Variants in TMEM132B observed in about 807,000 individuals in gnomAD.
TMEM132B encodes the protein transmembrane protein 132B.
In TMEM132B, 18 loss-of-function variants were observed where a neutral mutation model predicts 90.8. That is an observed-to-expected ratio of 0.20 (90% CI 0.14 to 0.29). TMEM132B has a LOEUF of 0.29. Among genes scored for constraint, TMEM132B ranks in the 10% least tolerant of loss-of-function variants. The probability of loss-of-function intolerance (pLI) is 1.00; values close to 1 mark genes in which losing one functional copy is unlikely to be tolerated. For synonymous variants in TMEM132B, 504 were observed against 523.3 expected (o/e 0.96, Z 0.50); for missense variants, 1,096 against 1,326.8 (o/e 0.83, Z 2.70).
rs544399264 is a variant in TMEM132B at position 125,213,565 on chromosome 12, G to A, written c.67+26699G>A. Among the ~76,000 whole-genome samples the A allele has an allele frequency of 6.6e-6, 1 of 152,328 alleles. No individual in the cohort carries two copies. Among genetic ancestry groups the A allele is most frequent in the African/African-American group, 2.4e-5 (1 of 41,556 alleles). On this transcript the variant is annotated intron_variant, in intron 1 of 8. Coordinates refer to ENST00000682704, the MANE Select transcript of TMEM132B (RefSeq NM_001366854.1). The surrounding 1 kb of genome is among the most constrained non-coding windows in gnomAD (Gnocchi z 4.2). Reference sequence around the variant, plus strand: ...TTTTTAGTCAAATGGCTTCTAACTGGTCACTCTCTGGCTTCTGATTCAGTG... The same window carrying A: ...TTTTTAGTCAAATGGCTTCTAACTGATCACTCTCTGGCTTCTGATTCAGTG...
rs148063868 is a variant in TMEM132B, at chr12:125,354,531, G to A, written c.959+4188G>A. On this transcript the variant is annotated intron_variant, in intron 2 of 8. Coordinates refer to ENST00000682704, the MANE Select transcript of TMEM132B (RefSeq NM_001366854.1). ...GATATGTCACCCATCTGGCTCCTGA[G>A]GGTATTTGAATTTTGAAACCCTGAT... Among the ~76,000 whole-genome samples the A allele has an allele frequency of 1.5e-3, 224 of 152,270 alleles. 2 individuals carry two copies. The highest frequency in any genetic ancestry group is 5.1e-3 in the African/African-American group (211 of 41,552).
intron 4 of TMEM132B, among the ~76,000 whole-genome samples, chr12:125,529,079 C>A (rs189490420): frequency 6.7e-6 from 1 of 149,296 alleles, no homozygotes; most frequent in Non-Finnish European, 1.5e-5. Context: ...CTTCCTTCTC[C>A]TCCTTCCTCT....
intron 1 of TMEM132B, among the ~76,000 whole-genome samples, chr12:125,331,500 G>A (rs1876771127): frequency 6.6e-6 from 1 of 152,130 alleles, no homozygotes; most frequent in South Asian, 2.1e-4. Flanking sequence ...CAGCACATGA[G>A]CCCTTTACTC....
In TMEM132B at chr12:125,654,584, C is replaced by T. The variant is rs769559748; in HGVS notation, c.3126C>T (p.Gly1042=). 2.0e-5 allele frequency: 33 copies of T among 1,614,038 alleles called. No homozygotes were observed. The highest frequency in any genetic ancestry group is 4.5e-5 in the East Asian group (2 of 44,884). ...ACACCACCATCCTCCCAGAGGACGG[C>T]GGCCCATACACCAACTCCATCCTGT... ...TSYTTILPED[G]GPYTNSILFD... The change falls in exon 9 of 9, where the codon GGC becomes GGT. Residue 1042 remains glycine, a synonymous_variant. Coordinates refer to ENST00000682704, the MANE Select transcript of TMEM132B (RefSeq NM_001366854.1). The surrounding 1 kb of genome is among the most constrained non-coding windows in gnomAD (Gnocchi z 5.8).
intron 1 of TMEM132B, among the ~76,000 whole-genome samples, chr12:125,278,352 T>A (rs1034056290): frequency 1.3e-5 from 2 of 152,164 alleles, no homozygotes; most frequent in African/African-American, 4.8e-5. Context: ...AATCAAGAAA[T>A]CCAGATTTTT....
chr12:125,227,430 A>G (rs1428761466), intron 1 of TMEM132B, among the ~76,000 whole-genome samples: 1 of 152,148 alleles, frequency 6.6e-6, no homozygotes, highest in Admixed American at 6.5e-5. Context: ...CAGAGCTGGG[A>G]TTCAGACCCA....
intron 1 of TMEM132B, among the ~76,000 whole-genome samples, chr12:125,262,009 A>G (rs1379622215): frequency 2.0e-5 from 3 of 152,146 alleles, no homozygotes; most frequent in Non-Finnish European, 4.4e-5. Context: ...TATTTATTTT[A>G]ATATGAGTCA....
intron 1 of TMEM132B, among the ~76,000 whole-genome samples, chr12:125,290,444 C>T (rs905561939): frequency 2.0e-5 from 3 of 152,184 alleles, no homozygotes; most frequent in Admixed American, 6.5e-5. Flanking sequence ...TCTCGCTCTC[C>T]CTAGAGATTA....
chr12:125,539,198 G>C (rs999032345), intron 4 of TMEM132B, among the ~76,000 whole-genome samples: 1 of 152,174 alleles, frequency 6.6e-6, no homozygotes, highest in East Asian at 1.9e-4. Flanking sequence ...TTAAGTGGCC[G>C]AAAGAGGTCT....
intron 1 of TMEM132B, among the ~76,000 whole-genome samples, chr12:125,231,884 T>G (rs1593049484): frequency 6.7e-6 from 1 of 149,642 alleles, no homozygotes; most frequent in African/African-American, 2.5e-5. Flanking sequence ...TTCTTTTGTG[T>G]CCCCCCCCCA....
intron 4 of TMEM132B, among the ~76,000 whole-genome samples, chr12:125,582,002 T>C (rs78259597): frequency 0.019 from 2,867 of 152,226 alleles, 32 homozygotes; most frequent in Non-Finnish European, 0.03. Flanking sequence ...TCATCCAGAA[T>C]AGGGGACACA....
chr12:125,573,190 C>T (rs1884846517), intron 4 of TMEM132B, among the ~76,000 whole-genome samples: 1 of 152,126 alleles, frequency 6.6e-6, no homozygotes, highest in East Asian at 1.9e-4. Flanking sequence ...TATATCTAAG[C>T]CCTCTCAGTG....
rs1275060782 is a variant in TMEM132B, at chr12:125,652,492, C to T, written c.1966C>T (p.Leu656=). The T allele has an allele frequency of 1.9e-6, 3 of 1,613,132 alleles. No homozygotes were observed. The highest frequency in any genetic ancestry group is 2.5e-6 in the Non-Finnish European group (3 of 1,179,540). The part of the protein sequence containing the change: ...SILAEKTVIV[L]DDRVTIAELG... ...CCTGGCTGAGAAGACGGTGATTGTC[C>T]TGGATGACCGAGTCACCATCGCGGA... Residue 656 remains leucine, a synonymous_variant, in exon 8 of 9, where the codon CTG becomes TTG. Coordinates refer to ENST00000682704, the MANE Select transcript of TMEM132B (RefSeq NM_001366854.1).
chr12:125,549,838 C>T (rs1884176392), intron 4 of TMEM132B, among the ~76,000 whole-genome samples: 1 of 152,192 alleles, frequency 6.6e-6, no homozygotes, highest in Non-Finnish European at 1.5e-5. Flanking sequence ...TAACACCAGA[C>T]ATTGTGCTGT....
At chr12:125,496,689 C>T (rs1882570272) in intron 3 of TMEM132B, among the ~76,000 whole-genome samples, 1 of 152,200 alleles carries the variant, frequency 6.6e-6, no homozygotes, top group African/African-American at 2.4e-5. Context: ...AGCACTGCTG[C>T]ATTCTCTCTG....
chr12:125,446,219 A>G (rs1416240146), intron 3 of TMEM132B, among the ~76,000 whole-genome samples: 1 of 152,228 alleles, frequency 6.6e-6, no homozygotes, highest in East Asian at 1.9e-4. Context: ...TTGGCCTCAC[A>G]GAACTGTTGT....
chr12:125,593,626 A>G (rs974337759), intron 5 of TMEM132B, among the ~76,000 whole-genome samples: 1 of 152,144 alleles, frequency 6.6e-6, no homozygotes, highest in South Asian at 2.1e-4. Flanking sequence ...CCAGAGACAT[A>G]CTTATTTTGT....
intron 1 of TMEM132B, among the ~76,000 whole-genome samples, chr12:125,304,407 T>C (rs1261517981): frequency 1.3e-5 from 2 of 152,102 alleles, no homozygotes; most frequent in African/African-American, 2.4e-5. Flanking sequence ...ATTTTTTTGG[T>C]TATATTTATG....
chr12:125,437,396 C>G (rs1880737682), intron 3 of TMEM132B, among the ~76,000 whole-genome samples: 1 of 152,106 alleles, frequency 6.6e-6, no homozygotes, highest in African/African-American at 2.4e-5. Context: ...TATAAACAAC[C>G]CTGTATAAGT....
Sources: gnomAD v4.1 joint callset for allele counts (sites outside exome capture counted in the v4.1 genomes callset) on GRCh38, gnomAD v4.1.1 for gene constraint, Gnocchi (gnomAD v3.1) non-coding constraint, MANE v1.5 for transcripts, NCBI Gene and HGNC (gene_info 2026-07-23, HGNC 2026-07-21) for gene names.